The following KCNB2 variants were observed in gnomAD, a reference collection of about 807,000 sequenced individuals.
KCNB2 encodes potassium voltage-gated channel subfamily B member 2.
A neutral mutation model predicts 61.5 loss-of-function variants in KCNB2; 15 were observed. That is an observed-to-expected ratio of 0.24 (90% CI 0.16 to 0.38). The LOEUF is 0.38. KCNB2 is among the 10% of genes least tolerant of loss of function. KCNB2 has a pLI of 1.00. For missense variants in KCNB2, 828 were observed against 1,125.2 expected (o/e 0.74, Z 3.78); for synonymous variants, 457 against 446.0 (o/e 1.02, Z -0.31).
intron 1 of KCNB2, among the ~76,000 whole-genome samples, chr8:72,549,662 T>A (rs1806314659): frequency 6.6e-6 from 1 of 152,134 alleles, no homozygotes; most frequent in African/African-American, 2.4e-5. Context: ...TCAAAATAAA[T>A]TAGGGGAGAA....
At chr8:72,652,911 G>A (rs1018820240) in intron 2 of KCNB2, among the ~76,000 whole-genome samples, 2 of 152,060 alleles carry the variant, frequency 1.3e-5, no homozygotes, top group Non-Finnish European at 2.9e-5. Context: ...GCACTCAAGG[G>A]GTCAGCAGTG....
intron 2 of KCNB2, among the ~76,000 whole-genome samples, chr8:72,600,649 A>T (rs1466281659): frequency 6.6e-6 from 1 of 152,176 alleles, no homozygotes; most frequent in African/African-American, 2.4e-5. Flanking sequence ...ATGGAATACC[A>T]TACAGCCATA....
intron 2 of KCNB2, among the ~76,000 whole-genome samples, chr8:72,684,331 T>C (rs2439337): frequency 0.71 from 107,290 of 152,110 alleles, 38,706 homozygotes; most frequent in African/African-American, 0.84. Flanking sequence ...TAGCCAAGGC[T>C]GCAGTGTTGT....
intron 2 of KCNB2, among the ~76,000 whole-genome samples, chr8:72,926,961 G>A (rs183855714): frequency 3.9e-5 from 6 of 152,208 alleles, no homozygotes; most frequent in Non-Finnish European, 8.8e-5. Flanking sequence ...TACTCCTTAC[G>A]GCAGCATCCT....
intron 2 of KCNB2, among the ~76,000 whole-genome samples, chr8:72,701,463 C>T (rs189078150): frequency 5.3e-5 from 8 of 152,262 alleles, no homozygotes; most frequent in African/African-American, 9.6e-5. Flanking sequence ...CTTCATTGCC[C>T]TGCTTTCCAC....
chr8:72,930,435 G>A (rs79250685), intron 2 of KCNB2, among the ~76,000 whole-genome samples: 72,330 of 151,656 alleles, frequency 0.48, 17,912 homozygotes, highest in East Asian at 0.89. Context: ...AAGTGTTCCT[G>A]TTTCTCCACA....
intron 2 of KCNB2, among the ~76,000 whole-genome samples, chr8:72,672,279 C>T (rs1399090688): frequency 6.6e-6 from 1 of 152,092 alleles, no homozygotes; most frequent in East Asian, 1.9e-4. Flanking sequence ...AGTTTTGGAT[C>T]CTATAGAATT....
At chr8:72,736,514 T>A (rs1807848681) in intron 2 of KCNB2, among the ~76,000 whole-genome samples, 1 of 152,144 alleles carries the variant, frequency 6.6e-6, no homozygotes, top group African/African-American at 2.4e-5. Context: ...TTAATGTTCA[T>A]TCATTACTCA....
intron 2 of KCNB2, among the ~76,000 whole-genome samples, chr8:72,861,298 C>G (rs745877175): frequency 4.1e-4 from 62 of 152,128 alleles, no homozygotes; most frequent in Admixed American, 1.4e-3. Context: ...ACCTCAAAAC[C>G]ATTATGTCAT....
At chr8:72,740,700 TACAGCCAAAGAAAATC>T (rs902906379) in intron 2 of KCNB2, among the ~76,000 whole-genome samples, 1 of 152,212 alleles carries the variant, frequency 6.6e-6, no homozygotes, top group African/African-American at 2.4e-5. Context: ...TAGTCTGAAT[TACAGCCAAAGAAAATC>T]CCTCAGCCTA....
At chr8:72,828,088 T>C (rs1342245953) in intron 2 of KCNB2, among the ~76,000 whole-genome samples, 1 of 152,176 alleles carries the variant, frequency 6.6e-6, no homozygotes, top group Non-Finnish European at 1.5e-5. Flanking sequence ...GCTGGGATTA[T>C]AGGCGTGAGC....
chr8:72,901,122 C>G (rs1806086099), intron 2 of KCNB2, among the ~76,000 whole-genome samples: 1 of 152,190 alleles, frequency 6.6e-6, no homozygotes, highest in Admixed American at 6.5e-5. Flanking sequence ...CTCTGCACTC[C>G]TCCACTCTGG....
At chr8:72,714,863 G>A (rs1022302841) in intron 2 of KCNB2, among the ~76,000 whole-genome samples, 2 of 152,226 alleles carry the variant, frequency 1.3e-5, no homozygotes, top group Non-Finnish European at 2.9e-5. Context: ...GGCACAGACT[G>A]GCAAATTGGA....
intron 1 of KCNB2, among the ~76,000 whole-genome samples, chr8:72,558,708 C>T (rs941539818): frequency 6.6e-6 from 1 of 152,108 alleles, no homozygotes; most frequent in East Asian, 1.9e-4. Flanking sequence ...GTGATCCCTG[C>T]CCTCCAGGAA....
At chr8:72,755,567 T>C (rs1808274981) in intron 2 of KCNB2, among the ~76,000 whole-genome samples, 1 of 152,170 alleles carries the variant, frequency 6.6e-6, no homozygotes, top group South Asian at 2.1e-4. Context: ...TCAAGGAGGA[T>C]ATATGAATGG....
intron 2 of KCNB2, among the ~76,000 whole-genome samples, chr8:72,922,101 A>G (rs1364803709): frequency 6.6e-6 from 1 of 152,216 alleles, no homozygotes; most frequent in African/African-American, 2.4e-5. Context: ...TGAATGTGCT[A>G]GAAAAGAATC....
chr8:72,799,778 T>C (rs1481731854), intron 2 of KCNB2, among the ~76,000 whole-genome samples: 1 of 151,972 alleles, frequency 6.6e-6, no homozygotes, highest in African/African-American at 2.4e-5. Context: ...AAAAATATAA[T>C]TGAAGGAGAA....
chr8:72,729,586 A>G (rs916467283), intron 2 of KCNB2, among the ~76,000 whole-genome samples: 1 of 152,178 alleles, frequency 6.6e-6, no homozygotes, highest in Non-Finnish European at 1.5e-5. Flanking sequence ...TCCATCTCCT[A>G]AGAATATTTG....
At chr8:72,903,439 G>A (rs1806120811) in intron 2 of KCNB2, among the ~76,000 whole-genome samples, 1 of 152,164 alleles carries the variant, frequency 6.6e-6, no homozygotes, top group South Asian at 2.1e-4. Flanking sequence ...CAACTGGCTG[G>A]ACATGATGGT....
Sources: allele counts gnomAD v4.1 joint callset (sites outside exome capture counted in the v4.1 genomes callset), GRCh38; gene constraint gnomAD v4.1.1; transcripts MANE v1.5; gene names NCBI Gene and HGNC (gene_info 2026-07-23, HGNC 2026-07-21).